The following FNIP2 variants were observed in gnomAD, a reference collection of about 807,000 sequenced individuals.
FNIP2 encodes the protein folliculin-interacting protein 2.
Under a neutral mutation model 108.7 loss-of-function variants are expected in FNIP2, and 32 were observed. The observed-to-expected ratio is 0.29, with a 90% CI of 0.22 to 0.40. The LOEUF is 0.40. Among genes scored for constraint, FNIP2 ranks in the 10% least tolerant of loss-of-function variants. The pLI, the probability that FNIP2 is intolerant of heterozygous loss-of-function variation, is 1.00. For synonymous variants in FNIP2, 480 were observed against 496.7 expected (o/e 0.97, Z 0.45); for missense variants, 1,202 against 1,381.6 (o/e 0.87, Z 2.06).
At position 158,899,647 on chromosome 4, in the gene FNIP2, T is replaced by C. The variant is rs540411600; in HGVS notation, c.3266+3782T>C. 1.9e-3 allele frequency among the ~76,000 whole-genome samples: 290 copies of C among 152,364 alleles called. 1 individual carries two copies. The highest frequency in any genetic ancestry group is 6.6e-3 in the African/African-American group (276 of 41,590). Reference sequence around the variant, plus strand: ...TCTAGTTTATTTGAGTAGAGGTGTTTATAGTATTCTCTGATGTTAGTTTGT... The same window carrying C: ...TCTAGTTTATTTGAGTAGAGGTGTTCATAGTATTCTCTGATGTTAGTTTGT... On this transcript the variant is annotated intron_variant, in intron 16 of 16. Coordinates refer to ENST00000264433, the MANE Select transcript of FNIP2 (RefSeq NM_020840.3).
intron 14 of FNIP2, chr4:158,889,983 T>A (rs1560835388): frequency 1.0e-6 from 1 of 985,178 alleles, no homozygotes; most frequent in African/African-American, 1.7e-5. Flanking sequence ...GTAAGAAGCG[T>A]AGGGGTGAAA....
At position 158,881,287 on chromosome 4, in the gene FNIP2, T is replaced by TCTTTCCACGGTCTCCCTCC. The variant is rs1489910940; in HGVS notation, c.2950-10156_2950-10138dup. ...TCTTTCCACGTTCTCCCTCTCCCTC[T>TCTTTCCACGGTCTCCCTCC]CTTTCCACGGTCTCCCTCCCTCTCT... On this transcript the variant is annotated intron_variant, in intron 14 of 16. Coordinates refer to ENST00000264433, the MANE Select transcript of FNIP2 (RefSeq NM_020840.3). Among the ~76,000 whole-genome samples the TCTTTCCACGGTCTCCCTCC allele has an allele frequency of 4.5e-3, 637 of 141,866 alleles. 17 individuals are homozygous for TCTTTCCACGGTCTCCCTCC. Among genetic ancestry groups the TCTTTCCACGGTCTCCCTCC allele is most frequent in the African/African-American group, 0.017 (596 of 35,160 alleles). 93.1% of individuals were successfully genotyped at this position (141,866 alleles called of 152,430 possible).
chr4:158,795,344 G>A (rs1776552337), intron 1 of FNIP2, among the ~76,000 whole-genome samples: 2 of 152,190 alleles, frequency 1.3e-5, no homozygotes, highest in African/African-American at 4.8e-5. Context: ...CCTGCTCTCT[G>A]CTCAGTGTTA....
chr4:158,868,054 A>G lies in FNIP2; in HGVS notation c.1466-48A>G. ...TTGTAAAGACGGATATATCTGTGAC[A>G]TGCTAACCCCAGAGACCACTGCCTT... is the stretch of plus-strand genomic sequence containing the variant. On this transcript the variant is annotated intron_variant, in intron 12 of 16. Transcript: ENST00000264433. This position sits in a 1 kb window ranked among gnomAD's most constrained non-coding sequence, Gnocchi z 4.6. 6.3e-7 allele frequency: 1 copy of G among 1,595,342 alleles called. No individual in the cohort carries two copies. The highest frequency in any genetic ancestry group is 8.5e-7 in the Non-Finnish European group (1 of 1,169,914).
intron 12 of FNIP2, 44 bp downstream of exon 12, chr4:158,861,820 T>C: frequency 6.3e-7 from 1 of 1,599,874 alleles, no homozygotes; most frequent in Non-Finnish European, 8.5e-7. Context: ...TGGGATGGAA[T>C]AGGAAAAAAA....
chr4:158,809,405 G>A (rs1216402261), intron 1 of FNIP2, among the ~76,000 whole-genome samples: 4 of 152,230 alleles, frequency 2.6e-5, no homozygotes, highest in Non-Finnish European at 1.5e-5. Context: ...GTTGCAGTGA[G>A]CCGAGATCGT....
chr4:158,852,966 T>C (rs999949418), intron 8 of FNIP2, among the ~76,000 whole-genome samples: 2 of 152,154 alleles, frequency 1.3e-5, no homozygotes, highest in African/African-American at 4.8e-5. Flanking sequence ...AATAAAAATG[T>C]GGTCCTCTTA....
intron 14 of FNIP2, among the ~76,000 whole-genome samples, chr4:158,880,764 G>A (rs1482247028): frequency 6.6e-6 from 1 of 152,120 alleles, no homozygotes; most frequent in African/African-American, 2.4e-5. Flanking sequence ...AGTCCTTTTA[G>A]TGGCTCTCAG....
intron 1 of FNIP2, among the ~76,000 whole-genome samples, chr4:158,824,090 G>A (rs1778028157): frequency 6.6e-6 from 1 of 152,162 alleles, no homozygotes; most frequent in African/African-American, 2.4e-5. Context: ...AAAAGGAAAA[G>A]ACCAAAAATG....
chr4:158,905,891 T>C lies in FNIP2; in HGVS notation c.*1347T>C, dbSNP rs1729797964. 6.6e-6 allele frequency: 1 copy of C among 152,232 alleles called. No homozygotes were observed. The highest frequency in any genetic ancestry group is 2.4e-5 in the African/African-American group (1 of 41,454). 9.4% of individuals were successfully genotyped at this position (152,232 alleles called of 1,614,324 possible). On this transcript the variant is annotated 3_prime_UTR_variant, in exon 17 of 17. Transcript: ENST00000264433. ...AGATCTCAAGCAGTTAACCAGGCTC[T>C]GATTCCCTTCCACTGTTTTATGAAT...
chr4:158,771,033 T>C (rs1339263312), intron 1 of FNIP2, among the ~76,000 whole-genome samples: 1 of 152,246 alleles, frequency 6.6e-6, no homozygotes, highest in Non-Finnish European at 1.5e-5. Flanking sequence ...GGAAATTGAT[T>C]CCCACTTCAT....
Position 158,831,707 on chromosome 4 carries a change from G to A in FNIP2, c.382-154G>A, listed in dbSNP as rs562060486. Among the ~76,000 whole-genome samples, 11 of 152,238 alleles carry A rather than the reference G, an allele frequency of 7.2e-5. No individual in the cohort carries two copies. The South Asian group carries it at 1.7e-3, about 23-fold the overall frequency. On this transcript the variant is annotated intron_variant, in intron 3 of 16. Coordinates refer to ENST00000264433, the MANE Select transcript of FNIP2 (RefSeq NM_020840.3). Reference sequence around the variant, plus strand: ...ACTTTGGGGGGGAAAATAGGCAATCGCCATTATAAGTTAAGATTGTAAGAT... The same window carrying A: ...ACTTTGGGGGGGAAAATAGGCAATCACCATTATAAGTTAAGATTGTAAGAT...
chr4:158,861,576 A>C (rs758135319), intron 11 of FNIP2, 31 bp from the exon 12 acceptor site: 2 of 1,613,846 alleles, frequency 1.2e-6, no homozygotes, highest in South Asian at 2.2e-5. Flanking sequence ...GTATTGACTA[A>C]GTTGGTTGTA....
At chr4:158,882,548 G>T (rs529998486) in intron 14 of FNIP2, among the ~76,000 whole-genome samples, 1 of 152,222 alleles carries the variant, frequency 6.6e-6, no homozygotes, top group African/African-American at 2.4e-5. Flanking sequence ...CGGTTTTGTC[G>T]AATAGAAAAG....
chr4:158,800,890 T>C (rs928214332), intron 1 of FNIP2, among the ~76,000 whole-genome samples: 4 of 152,208 alleles, frequency 2.6e-5, no homozygotes, highest in Non-Finnish European at 5.9e-5. Flanking sequence ...GGGTGCCTTC[T>C]CTCTGTGCTC....
chr4:158,860,564 A>G (rs766843427), intron 10 of FNIP2, among the ~76,000 whole-genome samples: 3 of 151,074 alleles, frequency 2.0e-5, no homozygotes, highest in Admixed American at 1.3e-4. Flanking sequence ...AACCTTCCAT[A>G]GTTTTTGGGA....
intron 1 of FNIP2, among the ~76,000 whole-genome samples, chr4:158,812,842 T>C (rs1453122340): frequency 6.6e-6 from 1 of 151,502 alleles, no homozygotes; most frequent in African/African-American, 2.4e-5. Context: ...CCACTATTCA[T>C]ACTAGATAGT....
At chr4:158,833,836 G>C (rs773741123) in intron 6 of FNIP2, 4 of 1,502,554 alleles carry the variant, frequency 2.7e-6, no homozygotes, top group Admixed American at 2.1e-5. Flanking sequence ...ACTGCTGCAG[G>C]GGGTAGCTGA....
chr4:158,860,922 G>A (rs887974213), intron 10 of FNIP2, among the ~76,000 whole-genome samples: 2 of 151,944 alleles, frequency 1.3e-5, no homozygotes, highest in African/African-American at 2.4e-5. Context: ...CCAAAGTGCT[G>A]GGATTACAGG....
Sources: gnomAD v4.1 joint callset for allele counts (sites outside exome capture counted in the v4.1 genomes callset) on GRCh38, gnomAD v4.1.1 for gene constraint, Gnocchi (gnomAD v3.1) non-coding constraint, MANE v1.5 for transcripts, NCBI Gene and HGNC (gene_info 2026-07-23, HGNC 2026-07-21) for gene names.